Variants in INSC observed in about 807,000 individuals in gnomAD.
The protein encoded by INSC is protein inscuteable homolog.
INSC carries 67 observed loss-of-function variants against 58.6 expected under a neutral mutation model. That is an observed-to-expected ratio of 1.14 (90% CI 0.94 to 1.40). The LOEUF is 1.40. INSC is among the 40% of genes most tolerant of loss of function. The pLI, the probability that INSC is intolerant of heterozygous loss-of-function variation, is 0.00. For missense variants in INSC, 714 were observed against 692.0 expected, an observed-to-expected ratio of 1.03 and a Z score of -0.36; for synonymous variants, 262 against 276.1, an observed-to-expected ratio of 0.95 and a Z score of 0.51.
the INSC span, among the ~76,000 whole-genome samples, chr11:15,264,437 A>G: frequency 1.1e-4 from 16 of 143,414 alleles, no homozygotes; most frequent in Middle Eastern, 4.2e-3. Context: ...AGTAGCCTTA[A>G]TTACATCTAC....
chr11:15,264,711 T>G, the INSC span, among the ~76,000 whole-genome samples: 4 of 151,850 alleles, frequency 2.6e-5, no homozygotes, highest in African/African-American at 9.7e-5. Flanking sequence ...TTAGTTAGAT[T>G]GGACCCACCT....
chr11:15,233,128 G>A lies in INSC; in HGVS notation c.1171-2474G>A, dbSNP rs1851986076. Among the ~76,000 whole-genome samples, 3 of 152,190 alleles carry A rather than the reference G, an allele frequency of 2.0e-5. No individual in the cohort carries two copies. In the South Asian group the frequency reaches 6.2e-4, roughly 31 times the overall value. On this transcript the variant is annotated intron_variant, in intron 9 of 12. Transcript: ENST00000379556. ...GATTTAGATGTAGGTTGAGCTACACGCTTAGCTATCACATTATACTGACCT... is the reference window on the plus strand; with the variant it reads ...GATTTAGATGTAGGTTGAGCTACACACTTAGCTATCACATTATACTGACCT...
At chr11:15,138,014 G>T (rs1417860924) in intron 1 of INSC, among the ~76,000 whole-genome samples, 1 of 152,148 alleles carries the variant, frequency 6.6e-6, no homozygotes, top group Non-Finnish European at 1.5e-5. Flanking sequence ...GGGCATTGTA[G>T]GGTTTGTAAC....
chr11:15,213,061 T>C (rs1162692712), intron 7 of INSC, among the ~76,000 whole-genome samples: 1 of 152,172 alleles, frequency 6.6e-6, no homozygotes, highest in African/African-American at 2.4e-5. Flanking sequence ...GCTGTGAAGG[T>C]TGTGCAACTT....
intron 1 of INSC, among the ~76,000 whole-genome samples, chr11:15,116,211 C>A (rs562753240): frequency 6.6e-4 from 101 of 152,308 alleles, no homozygotes; most frequent in African/African-American, 2.3e-3. Flanking sequence ...AGGCTGGGAT[C>A]TGACATGGAG....
chr11:15,222,684 A>G (rs958004010), intron 8 of INSC, among the ~76,000 whole-genome samples: 1 of 152,204 alleles, frequency 6.6e-6, no homozygotes, highest in African/African-American at 2.4e-5. Flanking sequence ...GGGTCCTTCT[A>G]ACTCTAGAAT....
chr11:15,129,640 G>A (rs1012548073), intron 1 of INSC, among the ~76,000 whole-genome samples: 1 of 152,092 alleles, frequency 6.6e-6, no homozygotes, highest in South Asian at 2.1e-4. Context: ...TATTTTTGTT[G>A]CTTTGTTAAT....
intron 9 of INSC, among the ~76,000 whole-genome samples, chr11:15,230,096 G>A (rs1851869312): frequency 2.2e-5 from 3 of 134,176 alleles, no homozygotes; most frequent in Admixed American, 7.8e-5. Flanking sequence ...AAGCTGAGGT[G>A]GGAGGATGGC....
At chr11:15,169,566 G>A (rs1019904042) in intron 2 of INSC, among the ~76,000 whole-genome samples, 1 of 138,264 alleles carries the variant, frequency 7.2e-6, no homozygotes, top group Non-Finnish European at 1.5e-5. Flanking sequence ...TTTTTAGATG[G>A]AGTCTCACTC....
chr11:15,120,095 G>A (rs1847833835), intron 1 of INSC, among the ~76,000 whole-genome samples: 1 of 152,156 alleles, frequency 6.6e-6, no homozygotes, highest in South Asian at 2.1e-4. Context: ...TCCCTTTCCT[G>A]GTGCATAAAA....
intron 9 of INSC, among the ~76,000 whole-genome samples, chr11:15,227,237 C>G: frequency 6.6e-6 from 1 of 152,176 alleles, no homozygotes; most frequent in Non-Finnish European, 1.5e-5. Context: ...GGAGGTAGTG[C>G]AGCTGTTGAA....
chr11:15,235,687 G>A lies in INSC; in HGVS notation c.1237+19G>A. 2 of 1,597,570 alleles carry A rather than the reference G, an allele frequency of 1.3e-6. No individual in the cohort carries two copies. Among genetic ancestry groups the A allele is most frequent in the South Asian group, 1.1e-5 (1 of 90,762 alleles). The stretch of plus-strand genomic sequence containing the variant: ...GAAAATGGTATGTCTTTGCAGCATT[G>A]TACATGTTATGTGGATTATCTGGAT... On this transcript the variant is annotated intron_variant, in intron 10 of 12. Coordinates refer to ENST00000379556, the MANE Select transcript of INSC (RefSeq NM_001042536.3).
At chr11:15,254,521 A>T in the INSC span, among the ~76,000 whole-genome samples, 1 of 152,156 alleles carries the variant, frequency 6.6e-6, no homozygotes, top group African/African-American at 2.4e-5. Flanking sequence ...TTTACTAACT[A>T]TATAATCTTG....
downstream of INSC, among the ~76,000 whole-genome samples, chr11:15,248,275 G>A (rs1023364544): frequency 3.9e-5 from 6 of 152,340 alleles, no homozygotes; most frequent in Admixed American, 1.3e-4. Flanking sequence ...AAATTTAAGT[G>A]TGTGGCAGTG....
intron 1 of INSC, among the ~76,000 whole-genome samples, chr11:15,116,953 T>C (rs959912232): frequency 7.5e-6 from 1 of 134,008 alleles, no homozygotes; most frequent in Middle Eastern, 3.4e-3. Context: ...CCTTCTTTCC[T>C]TCCTTCTTTG....
At chr11:15,170,557 A>G (rs60204883) in intron 2 of INSC, among the ~76,000 whole-genome samples, 1 of 152,168 alleles carries the variant, frequency 6.6e-6, no homozygotes, top group Non-Finnish European at 1.5e-5. Flanking sequence ...TTTCAGGGGT[A>G]CATGCTAGCA....
intron 1 of INSC, among the ~76,000 whole-genome samples, chr11:15,130,798 TTATC>T (rs1456625356): frequency 1.7e-4 from 26 of 152,142 alleles, no homozygotes; most frequent in African/African-American, 5.8e-4. Flanking sequence ...TTCTAGGAAT[TTATC>T]TAACTTATTT....
At chr11:15,230,515 C>CA (rs1851886635) in intron 9 of INSC, among the ~76,000 whole-genome samples, 2 of 152,162 alleles carry the variant, frequency 1.3e-5, no homozygotes, top group African/African-American at 4.8e-5. Context: ...AATCACCTCC[C>CA]ACCAGGCTCC....
At chr11:15,236,109 C>A (rs1201419354) in intron 10 of INSC, among the ~76,000 whole-genome samples, 1 of 149,548 alleles carries the variant, frequency 6.7e-6, no homozygotes, top group Non-Finnish European at 1.5e-5. Flanking sequence ...CTTGCCTGAG[C>A]ATATATGTGT....
Sources: allele counts gnomAD v4.1 joint callset (sites outside exome capture counted in the v4.1 genomes callset), GRCh38; gene constraint gnomAD v4.1.1; transcripts MANE v1.5; gene names NCBI Gene and HGNC (gene_info 2026-07-23, HGNC 2026-07-21).